KAZN: variants seen among roughly 807,000 people sequenced by gnomAD.
KAZN encodes the protein kazrin.
A neutral mutation model predicts 87.4 loss-of-function variants in KAZN; 40 were observed. The ratio of observed to expected loss-of-function variants is 0.46; its 90% CI spans 0.36 to 0.60. The LOEUF (loss-of-function observed/expected upper bound fraction) is 0.60, where lower values mean the gene tolerates loss of function less well. KAZN is among the 20% of genes least tolerant of loss of function. The pLI is 0.00. For synonymous variants in KAZN, 466 were observed against 458.3 expected, an observed-to-expected ratio of 1.02 and a Z score of -0.22; for missense variants, 898 against 1,073.9, an observed-to-expected ratio of 0.84 and a Z score of 2.29.
intron 2 of KAZN, among the ~76,000 whole-genome samples, chr1:14,273,171 T>G (rs1209115429): frequency 6.6e-6 from 1 of 152,074 alleles, no homozygotes; most frequent in Non-Finnish European, 1.5e-5. Context: ...GTGTGTTGGC[T>G]TATTTGTGTT....
At chr1:15,106,734 G>A (rs1213153325) in intron 13 of KAZN, among the ~76,000 whole-genome samples, 1 of 152,050 alleles carries the variant, frequency 6.6e-6, no homozygotes, top group East Asian at 1.9e-4. Flanking sequence ...CCACAACTTT[G>A]ACAATGCACA....
chr1:13,996,421 A>C (rs1276462096), intron 1 of KAZN, among the ~76,000 whole-genome samples: 1 of 152,170 alleles, frequency 6.6e-6, no homozygotes. Context: ...ACTAGGACCC[A>C]CAACAGCCTA....
chr1:14,326,387 A>G (rs1272330948), intron 2 of KAZN, among the ~76,000 whole-genome samples: 1 of 152,164 alleles, frequency 6.6e-6, no homozygotes, highest in East Asian at 1.9e-4. Flanking sequence ...TCCAGAATCC[A>G]AACTCCTCAC....
intron 2 of KAZN, among the ~76,000 whole-genome samples, chr1:14,547,834 C>T (rs1192058413): frequency 2.0e-5 from 3 of 151,942 alleles, no homozygotes; most frequent in African/African-American, 7.3e-5. Flanking sequence ...TGCGATCTGC[C>T]CGCCTCAGCC....
chr1:13,945,292 G>A (rs1481302701), intron 1 of KAZN, among the ~76,000 whole-genome samples: 4 of 147,516 alleles, frequency 2.7e-5, no homozygotes, highest in Admixed American at 6.7e-5. Flanking sequence ...TGGCCAACAT[G>A]GTGAAACCCC....
Position 15,114,582 on chromosome 1 carries a change from C to T in KAZN, c.2275C>T (p.Leu759=). The T allele has an allele frequency of 6.2e-7, 1 of 1,603,870 alleles. No homozygotes were observed. Among genetic ancestry groups the T allele is most frequent in the East Asian group, 2.2e-5 (1 of 44,460 alleles). Residue 759 remains leucine, a synonymous_variant, in exon 15 of 15, where the codon CTG becomes TTG. Transcript: ENST00000376030. The part of the protein sequence containing the change: ...DCGDDDPQSR[L]EQCRLEGYNS... ...CGGAGACGATGACCCCCAGAGCAGG[C>T]TGGAACAGTGCCGTCTGGAAGGCTA...
intron 2 of KAZN, among the ~76,000 whole-genome samples, chr1:14,986,210 ATAT>A (rs1444673769): frequency 2.6e-5 from 4 of 152,050 alleles, no homozygotes; most frequent in African/African-American, 9.7e-5. Flanking sequence ...GCGTTCGATG[ATAT>A]TATTAACATC....
At position 14,930,193 on chromosome 1, in the gene KAZN, G is replaced by C. The variant is rs1041730468; in HGVS notation, c.227-30491G>C. On this transcript the variant is annotated intron_variant, in intron 1 of 14. Coordinates refer to ENST00000376030, the MANE Select transcript of KAZN (RefSeq NM_201628.3). ...CTGTTTTGGGAAACACCCTCCACCT[G>C]GCACCAGGTGGGTAATCTGCCGGTG... The C allele has an allele frequency of 7.5e-6, 4 of 531,580 alleles. No individual in the cohort carries two copies. The African/African-American group carries it at 8.3e-5, about 11-fold the overall frequency. The allele number at this position is 531,580 out of a possible 1,614,324, so 32.9% of individuals were successfully genotyped here. A position where few individuals can be genotyped will look rare whatever the true frequency, so the allele number is the denominator to read the frequency against.
At chr1:13,962,383 C>T (rs1242325529) in intron 1 of KAZN, among the ~76,000 whole-genome samples, 1 of 152,064 alleles carries the variant, frequency 6.6e-6, no homozygotes, top group Non-Finnish European at 1.5e-5. Context: ...AACACCTTCT[C>T]AGAATGCTGA....
chr1:14,247,678 A>G (rs2100600177), intron 2 of KAZN, among the ~76,000 whole-genome samples: 1 of 152,332 alleles, frequency 6.6e-6, no homozygotes, highest in Admixed American at 6.5e-5. Flanking sequence ...AGACCATTCA[A>G]GGTGTGCACA....
chr1:14,765,045 G>A (rs903585900), intron 1 of KAZN, among the ~76,000 whole-genome samples: 2 of 152,140 alleles, frequency 1.3e-5, no homozygotes, highest in Non-Finnish European at 2.9e-5. Flanking sequence ...TCCTCCTCCA[G>A]GCTCCAAGAC....
At chr1:14,276,998 C>A (rs1278599691) in intron 2 of KAZN, among the ~76,000 whole-genome samples, 1 of 152,120 alleles carries the variant, frequency 6.6e-6, no homozygotes, top group Non-Finnish European at 1.5e-5. Flanking sequence ...TACAATTGTC[C>A]TTTGTCTGGC....
intron 1 of KAZN, among the ~76,000 whole-genome samples, chr1:14,076,471 G>A (rs1000391168): frequency 6.6e-6 from 1 of 152,156 alleles, no homozygotes; most frequent in Non-Finnish European, 1.5e-5. Context: ...AACCACCCCT[G>A]CCAACACCTT....
chr1:14,296,685 T>G (rs1970378), intron 2 of KAZN, among the ~76,000 whole-genome samples: 142,971 of 144,854 alleles, frequency 0.99, 70,565 homozygotes, highest in East Asian at 1. Flanking sequence ...ACCCAGGCTG[T>G]AGTACAGTGG....
chr1:14,556,199 T>C (rs929716418), intron 2 of KAZN, among the ~76,000 whole-genome samples: 3 of 150,762 alleles, frequency 2.0e-5, no homozygotes, highest in African/African-American at 7.3e-5. Context: ...AAGCTCCGCC[T>C]CCTGGGTTCA....
intron 1 of KAZN, among the ~76,000 whole-genome samples, chr1:14,612,460 T>C (rs1184341030): frequency 1.3e-5 from 2 of 152,200 alleles, no homozygotes; most frequent in Non-Finnish European, 2.9e-5. Context: ...GTCACTTCTA[T>C]CTTCCAGATA....
At chr1:14,509,546 C>T (rs1349208298) in intron 2 of KAZN, among the ~76,000 whole-genome samples, 2 of 152,226 alleles carry the variant, frequency 1.3e-5, no homozygotes, top group African/African-American at 4.8e-5. Context: ...CGAGGAGCCT[C>T]GTAGGGCCGT....
chr1:14,557,079 A>T (rs1315391472), intron 2 of KAZN, among the ~76,000 whole-genome samples: 2 of 152,170 alleles, frequency 1.3e-5, no homozygotes, highest in African/African-American at 4.8e-5. Context: ...TAGCAGGGGG[A>T]TGAAAAAAAC....
At chr1:15,088,317 A>G (rs1469586509) in intron 8 of KAZN, among the ~76,000 whole-genome samples, 16 of 152,116 alleles carry the variant, frequency 1.1e-4, no homozygotes, top group Non-Finnish European at 5.9e-5. Context: ...TTGCCTCTGT[A>G]AGGCCTCATT....
Sources: allele counts gnomAD v4.1 joint callset (sites outside exome capture counted in the v4.1 genomes callset), GRCh38; gene constraint gnomAD v4.1.1; transcripts MANE v1.5; gene names NCBI Gene and HGNC (gene_info 2026-07-23, HGNC 2026-07-21).